KIAA1549L: variants seen among roughly 807,000 people sequenced by gnomAD.
KIAA1549L encodes the protein UPF0606 protein KIAA1549L.
Under a neutral mutation model 160.7 loss-of-function variants are expected in KIAA1549L, and 88 were observed. The ratio of observed to expected loss-of-function variants is 0.55; its 90% CI spans 0.46 to 0.65. The LOEUF (loss-of-function observed/expected upper bound fraction) is 0.65, where lower values mean the gene tolerates loss of function less well. Ranked by LOEUF, KIAA1549L falls within the 30% of genes least tolerant of loss-of-function variation. KIAA1549L has a pLI of 0.00. For synonymous variants in KIAA1549L, 950 were observed against 976.7 expected (o/e 0.97, Z 0.51); for missense variants, 2,258 against 2,437.5 (o/e 0.93, Z 1.55).
At chr11:33,535,007 C>G (rs1031877359) in intron 1 of KIAA1549L, among the ~76,000 whole-genome samples, 2 of 152,194 alleles carry the variant, frequency 1.3e-5, no homozygotes, top group African/African-American at 4.8e-5. Flanking sequence ...AGGCTGGACA[C>G]AGCTTATCTG....
chr11:33,668,059 A>C lies in KIAA1549L; in HGVS notation c.6346A>C (p.Thr2116Pro). 1 of 1,613,996 alleles carries C rather than the reference A, an allele frequency of 6.2e-7. No individual in the cohort carries two copies. ...AENDPSDAPLTNISTAALVKA... is the reference protein window; with the variant it reads ...AENDPSDAPLPNISTAALVKA... ...AAACGACCCGTCTGACGCTCCCCTG[A>C]CCAACATCTCCACTGCGGCCCTTGT... Residue 2116 changes from threonine (T) to proline (P), a missense_variant, in exon 21 of 21, where the codon ACC becomes CCC. Coordinates refer to ENST00000658780, the MANE Select transcript of KIAA1549L (RefSeq NM_012194.3).
At position 33,671,018 on chromosome 11, in the gene KIAA1549L, CT is replaced by C. The variant is rs1241002969; in HGVS notation, c.*2865del. The C allele has an allele frequency of 6.6e-6, 1 of 152,122 alleles. No individual in the cohort carries two copies. The highest frequency in any genetic ancestry group is 1.5e-5 in the Non-Finnish European group (1 of 68,022). The allele number at this position is 152,122 out of a possible 1,614,324, so 9.4% of individuals were successfully genotyped here. A position where few individuals can be genotyped will look rare whatever the true frequency, so the allele number is the denominator to read the frequency against. On this transcript the variant is annotated 3_prime_UTR_variant, in exon 21 of 21. Coordinates refer to ENST00000658780, the MANE Select transcript of KIAA1549L (RefSeq NM_012194.3). ...AAAAAGATAAGGGTCATATGAAGAA[CT>C]CCATAATGTTCTTGCCAAGAAAAAA...
chr11:33,587,027 C>T (rs1373079008), intron 11 of KIAA1549L, among the ~76,000 whole-genome samples: 1 of 152,200 alleles, frequency 6.6e-6, no homozygotes, highest in Non-Finnish European at 1.5e-5. Context: ...AGGAAAGTTA[C>T]TTAACCTCTG....
At chr11:33,435,816 G>GTATATATATATATATATA (rs1554976825) in intron 1 of KIAA1549L, among the ~76,000 whole-genome samples, 17 of 39,536 alleles carry the variant, frequency 4.3e-4, no homozygotes, top group Non-Finnish European at 5.9e-4. Context: ...ATATATGTGT[G>GTATATATATATATATATA]TGTATATATA....
At chr11:33,603,542 C>T (rs1424222747) in intron 13 of KIAA1549L, among the ~76,000 whole-genome samples, 2 of 151,882 alleles carry the variant, frequency 1.3e-5, no homozygotes, top group Non-Finnish European at 2.9e-5. Context: ...CACGATGGCT[C>T]ACGCCTGTAA....
At chr11:33,577,540 T>G (rs1855491772) in intron 10 of KIAA1549L, among the ~76,000 whole-genome samples, 1 of 152,158 alleles carries the variant, frequency 6.6e-6, no homozygotes, top group Non-Finnish European at 1.5e-5. Flanking sequence ...TGGTCCTTTC[T>G]AATGAGGAGA....
At chr11:33,609,520 C>T (rs1850590925) in intron 14 of KIAA1549L, among the ~76,000 whole-genome samples, 1 of 152,208 alleles carries the variant, frequency 6.6e-6, no homozygotes, top group African/African-American at 2.4e-5. Flanking sequence ...GAGAAGGAGG[C>T]CTTGGAGGAA....
At chr11:33,384,216 A>G (rs979358276) in intron 1 of KIAA1549L, among the ~76,000 whole-genome samples, 5 of 152,208 alleles carry the variant, frequency 3.3e-5, no homozygotes, top group African/African-American at 1.2e-4. Context: ...GGTCGTAGAA[A>G]TGGAATTGTA....
At chr11:33,654,887 G>C (rs963280412) in intron 17 of KIAA1549L, among the ~76,000 whole-genome samples, 2 of 152,190 alleles carry the variant, frequency 1.3e-5, no homozygotes, top group Non-Finnish European at 2.9e-5. Context: ...GATGTAGTCT[G>C]CCATCATGCT....
At chr11:33,389,778 G>C (rs1457534378) in intron 1 of KIAA1549L, among the ~76,000 whole-genome samples, 2 of 152,208 alleles carry the variant, frequency 1.3e-5, no homozygotes, top group African/African-American at 4.8e-5. Context: ...GGTTGTCGAA[G>C]CTTTCAGTTT....
chr11:33,524,431 T>G (rs1259381855), intron 1 of KIAA1549L, among the ~76,000 whole-genome samples: 1 of 152,148 alleles, frequency 6.6e-6, no homozygotes. Flanking sequence ...AACTTATTTA[T>G]CCTTGCTGCT....
chr11:33,407,286 G>T (rs10836059), intron 1 of KIAA1549L, among the ~76,000 whole-genome samples: 4 of 151,028 alleles, frequency 2.6e-5, no homozygotes, highest in African/African-American at 9.7e-5. Flanking sequence ...GCGTTTCACC[G>T]TGTTAGCCAG....
Position 33,671,740 on chromosome 11 carries a change from C to T in KIAA1549L, c.*3586C>T, listed in dbSNP as rs1852681003. 3 of 152,104 alleles carry T rather than the reference C, an allele frequency of 2.0e-5. No individual in the cohort carries two copies. The highest frequency in any genetic ancestry group is 2.9e-5 in the Non-Finnish European group (2 of 68,028). 9.4% of individuals were successfully genotyped at this position (152,104 alleles called of 1,614,324 possible). On this transcript the variant is annotated 3_prime_UTR_variant, in exon 21 of 21. Transcript: ENST00000658780. The stretch of plus-strand genomic sequence containing the variant: ...GATTTAAACATTGATTACATATAAA[C>T]GAGTTTCCTTTTTTTCTACATAGCA...
At chr11:33,649,952 C>A (rs1196493602) in intron 17 of KIAA1549L, among the ~76,000 whole-genome samples, 1 of 152,116 alleles carries the variant, frequency 6.6e-6, no homozygotes, top group Non-Finnish European at 1.5e-5. Flanking sequence ...ATTCTGAACT[C>A]CCATCTGGCC....
At chr11:33,421,602 A>G (rs1456502538) in intron 1 of KIAA1549L, among the ~76,000 whole-genome samples, 1 of 152,262 alleles carries the variant, frequency 6.6e-6, no homozygotes, top group Admixed American at 6.5e-5. Context: ...AACCTTGGTC[A>G]AACATTGAAT....
Position 33,597,093 on chromosome 11 carries a change from G to A in KIAA1549L, c.4752-1727G>A, listed in dbSNP as rs74497343. The stretch of plus-strand genomic sequence containing the variant: ...GAAAGATTGTGACCGAATAAATTTG[G>A]AAATGTTGGGTTAAACGAGACCAGA... On this transcript the variant is annotated intron_variant, in intron 12 of 20. Transcript: ENST00000658780. 4.6e-3 allele frequency among the ~76,000 whole-genome samples: 697 copies of A among 152,274 alleles called. 6 individuals carry two copies. Among genetic ancestry groups the A allele is most frequent in the African/African-American group, 0.015 (642 of 41,544 alleles).
chr11:33,630,307 C>G (rs1034153804), intron 16 of KIAA1549L, among the ~76,000 whole-genome samples: 1 of 152,260 alleles, frequency 6.6e-6, no homozygotes, highest in Non-Finnish European at 1.5e-5. Flanking sequence ...GTGGGCTCCA[C>G]CCAGTTCGAG....
At chr11:33,625,065 A>G (rs1271529543) in intron 16 of KIAA1549L, among the ~76,000 whole-genome samples, 1 of 151,782 alleles carries the variant, frequency 6.6e-6, no homozygotes, top group African/African-American at 2.4e-5. Context: ...AATTTCATCC[A>G]TGTCCCTACA....
At position 33,569,746 on chromosome 11, in the gene KIAA1549L, G is replaced by A. The variant is rs565257783; in HGVS notation, c.4230+1519G>A. On this transcript the variant is annotated intron_variant, in intron 9 of 20. Transcript: ENST00000658780. ...CTGTGGTCTGAGATGACCTTACCAC[G>A]AGGTAAAGCGGTGGTTAAGCTTGCG... Among the ~76,000 whole-genome samples the A allele has an allele frequency of 6.8e-4, 104 of 152,252 alleles. 1 individual carries two copies. The highest frequency in any genetic ancestry group is 1.1e-3 in the Non-Finnish European group (76 of 68,024).
Sources: gnomAD v4.1 joint callset for allele counts (sites outside exome capture counted in the v4.1 genomes callset) on GRCh38, gnomAD v4.1.1 for gene constraint, MANE v1.5 for transcripts, NCBI Gene and HGNC (gene_info 2026-07-23, HGNC 2026-07-21) for gene names.